HECTD4: variants seen among roughly 807,000 people sequenced by gnomAD.
The protein encoded by HECTD4 is HECT domain E3 ubiquitin protein ligase 4, also known as probable E3 ubiquitin-protein ligase HECTD4.
HECTD4 carries 114 observed loss-of-function variants against 471.5 expected under a neutral mutation model. The ratio of observed to expected loss-of-function variants is 0.24; its 90% CI spans 0.21 to 0.28. The LOEUF (loss-of-function observed/expected upper bound fraction) is 0.28, where lower values mean the gene tolerates loss of function less well. HECTD4 is among the 10% of genes least tolerant of loss of function. HECTD4 has a pLI of 1.00. For synonymous variants in HECTD4, 2,012 were observed against 2,256.0 expected (o/e 0.89, Z 3.07); for missense variants, 3,866 against 5,651.5 (o/e 0.68, Z 10.13).
intron 62 of HECTD4, among the ~76,000 whole-genome samples, chr12:112,180,545 CA>C (rs2031631088): frequency 1.4e-5 from 2 of 147,942 alleles, no homozygotes; most frequent in African/African-American, 5.0e-5. Context: ...AAAAAAAAAA[CA>C]ACAACAACAA....
chr12:112,237,144 G>C lies in HECTD4; in HGVS notation c.5291-46C>G, dbSNP rs199772719. ...AAAAAGAGATTGGTGAAAACTTAAG[G>C]GTGCCATGGTGAGCCTGAGGGGGCG... On this transcript the variant is annotated intron_variant, in intron 34 of 75. Coordinates refer to ENST00000682272, the MANE Select transcript of HECTD4 (RefSeq NM_001388303.1). The C allele has an allele frequency of 2.9e-5, 43 of 1,500,160 alleles. No homozygotes were observed. In the East Asian group the frequency reaches 8.0e-4, roughly 28 times the overall value. The allele number at this position is 1,500,160 out of a possible 1,614,324, so 92.9% of individuals were successfully genotyped here.
At position 112,239,230 on chromosome 12, in the gene HECTD4, T is replaced by C. The variant is rs1011885665; in HGVS notation, c.5112A>G (p.Glu1704=). 1.2e-6 allele frequency: 2 copies of C among 1,609,892 alleles called. No individual in the cohort carries two copies. Among genetic ancestry groups the C allele is most frequent in the Non-Finnish European group, 1.7e-6 (2 of 1,178,140 alleles). The change falls in exon 34 of 76, where the codon GAA becomes GAG. Residue 1704 remains glutamate (E), a synonymous_variant. Coordinates refer to ENST00000682272, the MANE Select transcript of HECTD4 (RefSeq NM_001388303.1). This position sits in a 1 kb window ranked among gnomAD's most constrained non-coding sequence, Gnocchi z 4.9. ...LLCTIPYTRS[E]EKCLVRSGLV... The stretch of plus-strand genomic sequence containing the variant: ...GGCCACTGCGTACCAGGCACTTCTC[T>C]TCGCTCCTGACAAAGGGTCATGGAT...
intron 19 of HECTD4, 138 bp from the exon 20 acceptor site, chr12:112,258,734 C>T: frequency 3.2e-6 from 2 of 633,794 alleles, no homozygotes; most frequent in Non-Finnish European, 5.3e-6. Context: ...AAATGCTGTG[C>T]TACTTAGACC....
chr12:112,203,482 C>A, intron 54 of HECTD4, 154 bp downstream of exon 54: 1 of 594,710 alleles, frequency 1.7e-6, no homozygotes, highest in Non-Finnish European at 2.8e-6. Context: ...TCAGGCAAGT[C>A]AATTGGCATT....
rs1159231653 is a variant in HECTD4, at chr12:112,243,183, G to A, written c.4958+170C>T. ...AGAAGGTGAATACTGAGAGTTTTAC[G>A]TTCTATTAATATGTTGAGTTTTTTG... On this transcript the variant is annotated intron_variant, in intron 32 of 75. Coordinates refer to ENST00000682272, the MANE Select transcript of HECTD4 (RefSeq NM_001388303.1). The surrounding 1 kb of genome is among the most constrained non-coding windows in gnomAD (Gnocchi z 6.6). Among the ~76,000 whole-genome samples, 2 of 152,116 alleles carry A rather than the reference G, an allele frequency of 1.3e-5. No homozygotes were observed. The highest frequency in any genetic ancestry group is 2.9e-5 in the Non-Finnish European group (2 of 68,012).
rs117040130 is a variant in HECTD4, at chr12:112,203,967, A to G, written c.8270-195T>C. 2.0e-5 allele frequency among the ~76,000 whole-genome samples: 3 copies of G among 152,370 alleles called. No homozygotes were observed. The East Asian group carries it at 5.8e-4, about 29-fold the overall frequency. On this transcript the variant is annotated intron_variant, in intron 53 of 75. Coordinates refer to ENST00000682272, the MANE Select transcript of HECTD4 (RefSeq NM_001388303.1). ...AGAACACAACTCAGTCTGGAAGGTAATATAATAGAACGTTGTAAAAGCTCT... is the reference window on the plus strand; with the variant it reads ...AGAACACAACTCAGTCTGGAAGGTAGTATAATAGAACGTTGTAAAAGCTCT...
chr12:112,165,766 G>T (rs1277795162), intron 72 of HECTD4, among the ~76,000 whole-genome samples: 1 of 152,182 alleles, frequency 6.6e-6, no homozygotes, highest in Non-Finnish European at 1.5e-5. Context: ...ACAGGCTGTC[G>T]CCTCCCCACA....
chr12:112,201,599 T>G (rs1329947590), intron 54 of HECTD4, among the ~76,000 whole-genome samples: 1 of 152,186 alleles, frequency 6.6e-6, no homozygotes, highest in Admixed American at 6.5e-5. Flanking sequence ...AATGCTAGTT[T>G]CATGCCATTG....
At chr12:112,301,917 T>C (rs1036604411) in intron 7 of HECTD4, 2 of 1,053,912 alleles carry the variant, frequency 1.9e-6, no homozygotes, top group Admixed American at 1.7e-5. Flanking sequence ...TTTTCGAGCT[T>C]GGCAATGCAA....
At chr12:112,256,589 G>T in intron 20 of HECTD4, 71 bp from the exon 21 acceptor site, 1 of 1,119,196 alleles carries the variant, frequency 8.9e-7, no homozygotes, top group Non-Finnish European at 1.2e-6. Context: ...ACATTAAATT[G>T]CTCTTTAATT....
At chr12:112,293,503 C>CT (rs1333992466) in intron 7 of HECTD4, among the ~76,000 whole-genome samples, 1 of 151,922 alleles carries the variant, frequency 6.6e-6, no homozygotes, top group Non-Finnish European at 1.5e-5. Flanking sequence ...GATCGTGCCA[C>CT]TGTACTCCAG....
rs144994172 is a variant in HECTD4 at position 112,196,474 on chromosome 12, T to C, written c.8568-1408A>G. On this transcript the variant is annotated intron_variant, in intron 55 of 75. Transcript: ENST00000682272. Reference sequence around the variant, plus strand: ...GTGTTCACTGCATTAACAAAGCACATGAGGACCACGGCAACAAAATTGGTA... The same window carrying C: ...GTGTTCACTGCATTAACAAAGCACACGAGGACCACGGCAACAAAATTGGTA... 2.2e-3 allele frequency among the ~76,000 whole-genome samples: 330 copies of C among 152,260 alleles called. 1 individual carries two copies. Among genetic ancestry groups the C allele is most frequent in the African/African-American group, 7.8e-3 (323 of 41,554 alleles).
intron 1 of HECTD4, among the ~76,000 whole-genome samples, chr12:112,367,103 A>T (rs771931380): frequency 1.7e-4 from 26 of 151,116 alleles, no homozygotes; most frequent in Non-Finnish European, 3.4e-4. Context: ...GGAGTACGAG[A>T]CCCGTCTGGC....
chr12:112,212,457 T>C (rs931567637), intron 49 of HECTD4, 30 bp downstream of exon 49: 2 of 1,574,304 alleles, frequency 1.3e-6, no homozygotes, highest in Non-Finnish European at 8.7e-7. Flanking sequence ...GAAGGAGAAT[T>C]TGTTTTCCTT....
intron 1 of HECTD4, among the ~76,000 whole-genome samples, chr12:112,349,585 A>G (rs2036217285): frequency 1.3e-5 from 2 of 152,134 alleles, no homozygotes; most frequent in Admixed American, 6.5e-5. Context: ...GAAAACATCT[A>G]GTTTTGCTTC....
At chr12:112,345,766 G>A (rs1325761506) in intron 1 of HECTD4, among the ~76,000 whole-genome samples, 1 of 152,114 alleles carries the variant, frequency 6.6e-6, no homozygotes, top group Non-Finnish European at 1.5e-5. Flanking sequence ...ATGGTGGCGG[G>A]CACCTGTAGT....
At chr12:112,271,599 A>C in intron 11 of HECTD4, among the ~76,000 whole-genome samples, 1 of 152,164 alleles carries the variant, frequency 6.6e-6, no homozygotes, top group Admixed American at 6.6e-5. Flanking sequence ...CTATTCTGCA[A>C]ATGTGTGACC....
intron 7 of HECTD4, among the ~76,000 whole-genome samples, chr12:112,304,817 T>C (rs2035240739): frequency 2.6e-5 from 4 of 152,192 alleles, no homozygotes; most frequent in Admixed American, 6.5e-5. Context: ...AAAAATAACC[T>C]GCACAGTTAA....
intron 72 of HECTD4, among the ~76,000 whole-genome samples, chr12:112,165,161 T>C (rs796122200): frequency 2.0e-5 from 3 of 151,114 alleles, no homozygotes. Flanking sequence ...CCTCGTGATC[T>C]ACCCGCCTCA....
Sources: allele counts gnomAD v4.1 joint callset (sites outside exome capture counted in the v4.1 genomes callset), GRCh38; gene constraint gnomAD v4.1.1; non-coding constraint Gnocchi (gnomAD v3.1); transcripts MANE v1.5; gene names NCBI Gene and HGNC (gene_info 2026-07-23, HGNC 2026-07-21).